Variants in AHRR observed in about 807,000 individuals in gnomAD.
AHRR encodes ahR repressor.
Under a neutral mutation model 44.0 loss-of-function variants are expected in AHRR, and 28 were observed. That is an observed-to-expected ratio of 0.64 (90% CI 0.47 to 0.87). The LOEUF is 0.87. Ranked by LOEUF, AHRR falls within the 40% of genes least tolerant of loss-of-function variation. The pLI, the probability that AHRR is intolerant of heterozygous loss-of-function variation, is 0.00. For synonymous variants in AHRR, 434 were observed against 407.0 expected (o/e 1.07, Z -0.80); for missense variants, 990 against 953.9 (o/e 1.04, Z -0.50).
At chr5:349,737 G>A (rs1235308718) in intron 2 of AHRR, among the ~76,000 whole-genome samples, 1 of 152,202 alleles carries the variant, frequency 6.6e-6, no homozygotes, top group Non-Finnish European at 1.5e-5. Flanking sequence ...AAGTTTTACA[G>A]TAGTTTAAAG....
Position 435,248 on chromosome 5 carries a change from A to T in AHRR, c.*414A>T. On this transcript the variant is annotated 3_prime_UTR_variant, in exon 11 of 11. Transcript: ENST00000684583. ...ATGAAGCGGTCGGGTGATGCTCCCAAGTCCGCAGTCGGGGATGAAGCGGTC... is the reference window on the plus strand; with the variant it reads ...ATGAAGCGGTCGGGTGATGCTCCCATGTCCGCAGTCGGGGATGAAGCGGTC... 1 of 201,278 alleles carries T rather than the reference A, an allele frequency of 5.0e-6. No individual in the cohort carries two copies. The highest frequency in any genetic ancestry group is 9.7e-6 in the Non-Finnish European group (1 of 102,630). 12.5% of individuals were successfully genotyped at this position (201,278 alleles called of 1,614,324 possible).
At chr5:354,272 C>T (rs538217146) in intron 3 of AHRR, among the ~76,000 whole-genome samples, 49 of 152,368 alleles carry the variant, frequency 3.2e-4, no homozygotes, top group African/African-American at 1.2e-3. Flanking sequence ...CTCACTGGGG[C>T]TTCCCCACAG....
Position 388,338 on chromosome 5 carries a change from C to T in AHRR, c.351+11622C>T, listed in dbSNP as rs565762704. On this transcript the variant is annotated intron_variant, in intron 4 of 10. Transcript: ENST00000684583. The surrounding 1 kb of genome is among the most constrained non-coding windows in gnomAD (Gnocchi z 5.2). ...AGTGCGACTGCGCCTGGGGCTGCCC[C>T]AAGACTGTGAAGCTCATGGACTCAC... Among the ~76,000 whole-genome samples, 1 of 152,326 alleles carries T rather than the reference C, an allele frequency of 6.6e-6. No homozygotes were observed. Among genetic ancestry groups the T allele is most frequent in the South Asian group, 2.1e-4 (1 of 4,828 alleles).
At chr5:425,771 G>A (rs1736361146) in intron 7 of AHRR, among the ~76,000 whole-genome samples, 1 of 152,164 alleles carries the variant, frequency 6.6e-6, no homozygotes, top group African/African-American at 2.4e-5. Context: ...ATTGCAATAA[G>A]GTTTACACAA....
rs1344344109 is a variant in AHRR at position 342,845 on chromosome 5, C to G, written c.-10-1048C>G. Reference sequence around the variant, plus strand: ...GCAGGCAAGCTGACCAGCCTGGGCACAGATACTGGGCTGCTCCTCAGGGGC... The same window carrying G: ...GCAGGCAAGCTGACCAGCCTGGGCAGAGATACTGGGCTGCTCCTCAGGGGC... On this transcript the variant is annotated intron_variant, in intron 1 of 10. Transcript: ENST00000684583. This position sits in a 1 kb window ranked among gnomAD's most constrained non-coding sequence, Gnocchi z 4.3. 1.3e-5 allele frequency among the ~76,000 whole-genome samples: 2 copies of G among 152,240 alleles called. No individual in the cohort carries two copies. The highest frequency in any genetic ancestry group is 4.8e-5 in the African/African-American group (2 of 41,464).
At chr5:344,874 G>T in intron 2 of AHRR, among the ~76,000 whole-genome samples, 1 of 130,646 alleles carries the variant, frequency 7.7e-6, no homozygotes. Context: ...GTGCAGGTGT[G>T]CAGGTGTGCG....
Position 436,912 on chromosome 5 carries a change from T to C in AHRR, c.*2078T>C, listed in dbSNP as rs1164158379. 6.6e-6 allele frequency: 1 copy of C among 152,422 alleles called. No homozygotes were observed. Among genetic ancestry groups the C allele is most frequent in the East Asian group, 1.9e-4 (1 of 5,334 alleles). 9.4% of individuals were successfully genotyped at this position (152,422 alleles called of 1,614,324 possible). A position where few individuals can be genotyped will look rare whatever the true frequency, so the allele number is the denominator to read the frequency against. On this transcript the variant is annotated 3_prime_UTR_variant, in exon 11 of 11. Transcript: ENST00000684583. ...CTGGCACAGAGCCCCTCTTTATTCATTTCTCATGCTGAGCATGGCACACTT... is the reference window on the plus strand; with the variant it reads ...CTGGCACAGAGCCCCTCTTTATTCACTTCTCATGCTGAGCATGGCACACTT...
chr5:372,170 C>G (rs372402853), intron 3 of AHRR, among the ~76,000 whole-genome samples: 2 of 152,368 alleles, frequency 1.3e-5, no homozygotes, highest in East Asian at 3.9e-4. Flanking sequence ...AGTGCCTTCC[C>G]TCCTCCCCCA....
intron 3 of AHRR, among the ~76,000 whole-genome samples, chr5:373,264 G>C (rs1347699032): frequency 6.6e-6 from 1 of 152,236 alleles, no homozygotes; most frequent in African/African-American, 2.4e-5. Context: ...CCCTGCACCC[G>C]GCTGGGTCTC....
intron 3 of AHRR, among the ~76,000 whole-genome samples, chr5:364,963 A>G (rs571800327): frequency 3.5e-4 from 53 of 152,240 alleles, no homozygotes; most frequent in Admixed American, 7.8e-4. Flanking sequence ...TTTGAATTTT[A>G]TTCTTTCCAT....
intron 3 of AHRR, chr5:367,962 G>C: frequency 1.4e-6 from 1 of 702,404 alleles, no homozygotes; most frequent in South Asian, 1.5e-5. Flanking sequence ...TTGCAGGACT[G>C]ATAGCCACTG....
chr5:343,028 C>T (rs1742397457), intron 1 of AHRR, among the ~76,000 whole-genome samples: 1 of 152,098 alleles, frequency 6.6e-6, no homozygotes, highest in Non-Finnish European at 1.5e-5. Flanking sequence ...CCTGTTGGCC[C>T]AAAGCACAAG....
rs1189902938 is a variant in AHRR, at chr5:411,250, C to T, written c.352-2094C>T. Among the ~76,000 whole-genome samples, 2 of 151,950 alleles carry T rather than the reference C, an allele frequency of 1.3e-5. No individual in the cohort carries two copies. Among genetic ancestry groups the T allele is most frequent in the Non-Finnish European group, 2.9e-5 (2 of 68,006 alleles). On this transcript the variant is annotated intron_variant, in intron 4 of 10. Transcript: ENST00000684583. The surrounding 1 kb of genome is among the most constrained non-coding windows in gnomAD (Gnocchi z 4.2). Reference sequence around the variant, plus strand: ...AGGGACTACATACATACTTTTGAAACAGTCATTTTAAGCTCACTGGCATTT... The same window carrying T: ...AGGGACTACATACATACTTTTGAAATAGTCATTTTAAGCTCACTGGCATTT...
At chr5:421,261 G>A (rs563337354) in intron 5 of AHRR, 17 of 697,850 alleles carry the variant, frequency 2.4e-5, no homozygotes, top group South Asian at 2.2e-4. Context: ...CGGAGCGGAT[G>A]CCGTGTGCAG....
In AHRR at chr5:383,259, T is replaced by G. The variant is rs1348790801; in HGVS notation, c.351+6543T>G. 1.3e-5 allele frequency among the ~76,000 whole-genome samples: 2 copies of G among 152,244 alleles called. No individual in the cohort carries two copies. The highest frequency in any genetic ancestry group is 3.8e-4 in the East Asian group (2 of 5,206). ...ATTGTGTGAGTTGTTCTGTAAACATTAATTATATCCAGTTGACTTGTTGTG... is the reference window on the plus strand; with the variant it reads ...ATTGTGTGAGTTGTTCTGTAAACATGAATTATATCCAGTTGACTTGTTGTG... On this transcript the variant is annotated intron_variant, in intron 4 of 10. Transcript: ENST00000684583. This position sits in a 1 kb window ranked among gnomAD's most constrained non-coding sequence, Gnocchi z 4.0.
chr5:432,579 C>T (rs555558632), intron 9 of AHRR, 55 bp downstream of exon 9: 2 of 1,586,938 alleles, frequency 1.3e-6, no homozygotes, highest in South Asian at 2.2e-5. Flanking sequence ...TGTGTTTCTG[C>T]CCTTGGAGAG....
At chr5:432,632 C>A in intron 9 of AHRR, 108 bp downstream of exon 9, 1 of 1,515,618 alleles carries the variant, frequency 6.6e-7, no homozygotes, top group Non-Finnish European at 9.1e-7. Flanking sequence ...CATGGAAAAG[C>A]CATTTTGCAG....
chr5:422,629 T>G, intron 5 of AHRR, 100 bp from the exon 6 acceptor site: 1 of 1,528,950 alleles, frequency 6.5e-7, no homozygotes, highest in Non-Finnish European at 9.0e-7. Context: ...GTGACTTGCT[T>G]TGACAAGTGG....
At position 434,173 on chromosome 5, in the gene AHRR, C is replaced by T. The variant is rs377086821; in HGVS notation, c.1433C>T (p.Pro478Leu). The T allele has an allele frequency of 3.8e-6, 6 of 1,599,252 alleles. No individual in the cohort carries two copies. Among genetic ancestry groups the T allele is most frequent in the East Asian group, 2.2e-5 (1 of 44,780 alleles). The change falls in exon 11 of 11, where the codon CCT becomes CTT. Residue 478 changes from proline (P) to leucine (L), a missense_variant. Coordinates refer to ENST00000684583, the MANE Select transcript of AHRR (RefSeq NM_001377236.1). Reference sequence around the variant, plus strand: ...GATGTCGGTGAGGACCAGGTGCACCCTCCCCTCTGCCACTTTCCCCAGAGG... The same window carrying T: ...GATGTCGGTGAGGACCAGGTGCACCTTCCCCTCTGCCACTTTCCCCAGAGG... ...MRDVGEDQVH[P>L]PLCHFPQRSL...
Sources: allele counts gnomAD v4.1 joint callset (sites outside exome capture counted in the v4.1 genomes callset), GRCh38; gene constraint gnomAD v4.1.1; non-coding constraint Gnocchi (gnomAD v3.1); transcripts MANE v1.5; gene names NCBI Gene and HGNC (gene_info 2026-07-23, HGNC 2026-07-21).